Variants in ALS2 observed in about 807,000 individuals in gnomAD.
The protein encoded by ALS2 is alsin Rho guanine nucleotide exchange factor ALS2.
A neutral mutation model predicts 203.4 loss-of-function variants in ALS2; 117 were observed. The observed-to-expected ratio is 0.58, with a 90% CI of 0.50 to 0.67. The LOEUF (loss-of-function observed/expected upper bound fraction) is 0.67. Among genes scored for constraint, ALS2 ranks in the 30% least tolerant of loss-of-function variants. The pLI is 0.00. For synonymous variants in ALS2, 718 were observed against 725.9 expected (o/e 0.99, Z 0.17); for missense variants, 1,715 against 1,989.4 (o/e 0.86, Z 2.62).
intron 33 of ALS2, among the ~76,000 whole-genome samples, chr2:201,702,812 T>C (rs1385395004): frequency 6.6e-6 from 1 of 152,192 alleles, no homozygotes; most frequent in African/African-American, 2.4e-5. Context: ...TTTCAGTTTA[T>C]TTAATAGAAG....
At chr2:201,764,558 C>T (rs1297891848) in intron 3 of ALS2, among the ~76,000 whole-genome samples, 1 of 151,920 alleles carries the variant, frequency 6.6e-6, no homozygotes, top group African/African-American at 2.4e-5. Flanking sequence ...TGCTTAAACC[C>T]AGGAGGTGGA....
intron 14 of ALS2, 62 bp downstream of exon 14, chr2:201,728,990 T>C: frequency 1.1e-5 from 17 of 1,612,210 alleles, no homozygotes; most frequent in Non-Finnish European, 1.4e-5. Flanking sequence ...GAAAATTGTA[T>C]CAATTGTTAT....
chr2:201,766,021 T>A (rs1168564728), intron 3 of ALS2, among the ~76,000 whole-genome samples: 3 of 152,198 alleles, frequency 2.0e-5, no homozygotes, highest in Non-Finnish European at 4.4e-5. Flanking sequence ...GCAGTGCAGA[T>A]TCAGTGAGAT....
intron 1 of ALS2, among the ~76,000 whole-genome samples, chr2:201,773,752 AGT>A (rs951171694): frequency 2.0e-5 from 3 of 152,198 alleles, no homozygotes; most frequent in Non-Finnish European, 2.9e-5. Context: ...AGGAAAGCGC[AGT>A]GTCAAGCTTT....
intron 8 of ALS2, among the ~76,000 whole-genome samples, chr2:201,747,295 G>A (rs1444915496): frequency 6.6e-6 from 1 of 152,068 alleles, no homozygotes; most frequent in Non-Finnish European, 1.5e-5. Context: ...AAAACAGGCA[G>A]AGCCCCTGAG....
At position 201,754,554 on chromosome 2, in the gene ALS2, G is replaced by C. The variant is rs1157417551; in HGVS notation, c.1589C>G (p.Thr530Ser). The C allele has an allele frequency of 1.9e-6, 3 of 1,613,968 alleles. No individual in the cohort carries two copies. The highest frequency in any genetic ancestry group is 2.2e-5 in the South Asian group (2 of 91,084). Residue 530 changes from threonine (T) to serine (S), a missense_variant, in exon 6 of 34, where the codon ACC (threonine) becomes AGC (serine). Physicochemically the swap from Thr to Ser is moderately conservative, Grantham distance 58. Coordinates refer to ENST00000264276, the MANE Select transcript of ALS2 (RefSeq NM_020919.4). ...LLPSLRTEVWTWGKGKEGQLG... is the reference protein window; with the variant it reads ...LLPSLRTEVWSWGKGKEGQLG... ...CTGCCCTTCCTTCCCTTTCCCCCAGGTCCACACTTCTGTTCTCAGAGAAGG... is the reference window on the plus strand; with the variant it reads ...CTGCCCTTCCTTCCCTTTCCCCCAGCTCCACACTTCTGTTCTCAGAGAAGG...
Position 201,744,360 on chromosome 2 carries a change from C to G in ALS2, c.2068G>C (p.Gly690Arg). The change falls in exon 10 of 34, where the codon GGG becomes CGG. Residue 690 changes from glycine to arginine, a missense_variant. This residue lies in a region of ALS2 where 1,227 missense variants were observed against 1,413.5 expected (regional missense o/e 0.87). Transcript: ENST00000264276. ...AACTCGTGGAGACTGGCAATATACCCCATAATGTTTTTATCCACCAAGGCT... is the reference window on the plus strand; with the variant it reads ...AACTCGTGGAGACTGGCAATATACCGCATAATGTTTTTATCCACCAAGGCT... Reference protein sequence around the residue: ...YLALVDKNIMGYIASLHELAT... With the variant: ...YLALVDKNIMRYIASLHELAT... The G allele has an allele frequency of 6.2e-7, 1 of 1,613,954 alleles. No homozygotes were observed. The highest frequency in any genetic ancestry group is 1.1e-5 in the South Asian group (1 of 91,072).
At chr2:201,717,069 T>C (rs1690446432) in intron 24 of ALS2, among the ~76,000 whole-genome samples, 2 of 152,208 alleles carry the variant, frequency 1.3e-5, no homozygotes, top group African/African-American at 2.4e-5. Flanking sequence ...ATTTTGCCTT[T>C]TTTTCCTCAT....
intron 15 of ALS2, 39 bp downstream of exon 15, chr2:201,728,473 C>G: frequency 6.2e-7 from 1 of 1,613,028 alleles, no homozygotes; most frequent in Non-Finnish European, 8.5e-7. Flanking sequence ...TAGGGGTCCA[C>G]CTTTCAGGAA....
chr2:201,778,510 T>C (rs1465204994), intron 1 of ALS2: 2 of 151,994 alleles, frequency 1.3e-5, no homozygotes, highest in African/African-American at 4.8e-5. Context: ...CCATCACATA[T>C]ACAGATGAAT....
chr2:201,756,956 C>A (rs1254926693), intron 5 of ALS2, among the ~76,000 whole-genome samples: 2 of 152,206 alleles, frequency 1.3e-5, no homozygotes, highest in Non-Finnish European at 2.9e-5. Context: ...GAAGAACCAA[C>A]TGCATAATAT....
At chr2:201,767,866 TAA>T (rs35608860) in intron 2 of ALS2, among the ~76,000 whole-genome samples, 4,879 of 112,066 alleles carry the variant, frequency 0.044, 171 homozygotes, top group East Asian at 0.2. Flanking sequence ...AGACTCTGTC[TAA>T]AAAAAAAAAA....
chr2:201,738,244 A>G (rs1027079405), intron 12 of ALS2, among the ~76,000 whole-genome samples: 2 of 152,230 alleles, frequency 1.3e-5, no homozygotes, highest in African/African-American at 4.8e-5. Context: ...TGCCTTGTGT[A>G]AGGAGCCTTT....
At chr2:201,733,205 G>A in intron 13 of ALS2, 71 bp downstream of exon 13, 1 of 1,492,298 alleles carries the variant, frequency 6.7e-7, no homozygotes, top group Non-Finnish European at 9.3e-7. Flanking sequence ...ATCTTGTGGT[G>A]GCATAATCCA....
At chr2:201,769,205 C>T (rs1694252828) in intron 1 of ALS2, among the ~76,000 whole-genome samples, 1 of 152,060 alleles carries the variant, frequency 6.6e-6, no homozygotes, top group Non-Finnish European at 1.5e-5. Context: ...CTGTACTCTT[C>T]CAGGCAATAG....
At chr2:201,710,433 T>TG (rs1553501688) in intron 26 of ALS2, among the ~76,000 whole-genome samples, 7 of 145,094 alleles carry the variant, frequency 4.8e-5, no homozygotes, top group African/African-American at 1.8e-4. Context: ...CCCCCATATC[T>TG]AAAAAAAAAA....
intron 3 of ALS2, among the ~76,000 whole-genome samples, chr2:201,763,852 T>C (rs1392740559): frequency 6.6e-6 from 1 of 152,238 alleles, no homozygotes; most frequent in Non-Finnish European, 1.5e-5. Flanking sequence ...AACAAAGACT[T>C]GGCTACGGGT....
intron 19 of ALS2, 128 bp from the exon 20 acceptor site, chr2:201,725,582 T>G: frequency 1.2e-6 from 1 of 825,538 alleles, no homozygotes; most frequent in Non-Finnish European, 2.1e-6. Context: ...AGTAAAGGGT[T>G]AAAACAGCAT....
At chr2:201,769,477 T>G (rs1694271931) in intron 1 of ALS2, among the ~76,000 whole-genome samples, 1 of 152,222 alleles carries the variant, frequency 6.6e-6, no homozygotes. Context: ...AGGAACATTT[T>G]CCCCAAATCA....
Sources: allele counts gnomAD v4.1 joint callset (sites outside exome capture counted in the v4.1 genomes callset), GRCh38; gene constraint gnomAD v4.1.1; regional missense constraint gnomAD v4.1.1; transcripts MANE v1.5; gene names NCBI Gene and HGNC (gene_info 2026-07-23, HGNC 2026-07-21).